The following DPP3 variants were observed in gnomAD, a reference collection of about 807,000 sequenced individuals.
DPP3 encodes the protein dipeptidyl peptidase 3, also known as DPP III.
DPP3 carries 64 observed loss-of-function variants against 89.8 expected under a neutral mutation model. The observed-to-expected ratio is 0.71, with a 90% CI of 0.58 to 0.88. The LOEUF (loss-of-function observed/expected upper bound fraction) is 0.88, where lower values mean the gene tolerates loss of function less well. Ranked by LOEUF, DPP3 falls within the 40% of genes least tolerant of loss-of-function variation. The pLI, the probability that DPP3 is intolerant of heterozygous loss-of-function variation, is 0.00. For missense variants in DPP3, 835 were observed against 972.5 expected (o/e 0.86, Z 1.88); for synonymous variants, 377 against 404.3 (o/e 0.93, Z 0.81).
chr11:66,492,218 A>G (rs542991154), intron 9 of DPP3, among the ~76,000 whole-genome samples: 35 of 152,306 alleles, frequency 2.3e-4, no homozygotes, highest in Non-Finnish European at 3.8e-4. Context: ...TGGAAGCAGG[A>G]TGGACATTGT....
chr11:66,487,839 T>C (rs1003852224), intron 5 of DPP3, 75 bp from the exon 6 acceptor site: 1 of 1,391,116 alleles, frequency 7.2e-7, no homozygotes, highest in African/African-American at 1.4e-5. Flanking sequence ...CCCCTAGGGT[T>C]GACCCATTTT....
chr11:66,499,700 T>C (rs1855631959), intron 16 of DPP3, among the ~76,000 whole-genome samples: 1 of 150,860 alleles, frequency 6.6e-6, no homozygotes, highest in South Asian at 2.1e-4. Flanking sequence ...AATCTGGGAG[T>C]TGGAGGTTGC....
intron 1 of DPP3, 108 bp from the exon 2 acceptor site, chr11:66,482,085 C>G: frequency 8.2e-6 from 12 of 1,460,012 alleles, no homozygotes; most frequent in Non-Finnish European, 1.1e-5. Flanking sequence ...ATAGTATTCC[C>G]TTCCACATGG....
intron 6 of DPP3, among the ~76,000 whole-genome samples, chr11:66,490,080 G>A (rs2134727450): frequency 6.7e-6 from 1 of 148,170 alleles, no homozygotes; most frequent in Middle Eastern, 3.5e-3. Context: ...TCAGGAGGCT[G>A]AGCCAGGAGG....
intron 1 of DPP3, 99 bp downstream of exon 1, chr11:66,480,564 T>G: frequency 1.5e-6 from 2 of 1,326,040 alleles, no homozygotes; most frequent in Non-Finnish European, 2.0e-6. Context: ...TTCTGCCCAC[T>G]CTCCAGTACC....
intron 6 of DPP3, among the ~76,000 whole-genome samples, chr11:66,490,145 T>TAAAAAAAAAAAAA (rs201526861): frequency 1.1e-5 from 1 of 94,826 alleles, no homozygotes; most frequent in Non-Finnish European, 2.3e-5. Flanking sequence ...AGATCCTATC[T>TAAAAAAAAAAAAA]AAAAAAAAAA....
At chr11:66,493,235 A>G (rs1855444849) in intron 11 of DPP3, 56 bp downstream of exon 11, 1 of 1,476,044 alleles carries the variant, frequency 6.8e-7, no homozygotes, top group Non-Finnish European at 9.4e-7. Context: ...CAGCAGACTC[A>G]GGAAGAGAGA....
intron 3 of DPP3, 104 bp downstream of exon 3, chr11:66,485,366 C>A: frequency 8.7e-7 from 1 of 1,149,704 alleles, no homozygotes; most frequent in South Asian, 1.3e-5. Flanking sequence ...AAGCCCTGAG[C>A]AGAGCATGGA....
At chr11:66,481,362 C>T (rs571223508) in intron 1 of DPP3, among the ~76,000 whole-genome samples, 5 of 152,230 alleles carry the variant, frequency 3.3e-5, no homozygotes, top group Non-Finnish European at 5.9e-5. Flanking sequence ...TGGTGATGCA[C>T]GCCTGTAGTC....
At chr11:66,480,534 TG>T in intron 1 of DPP3, 69 bp downstream of exon 1, 1 of 1,441,082 alleles carries the variant, frequency 6.9e-7, no homozygotes, top group Non-Finnish European at 9.1e-7. Flanking sequence ...GAATCCATAC[TG>T]AGCGCAAAAT....
intron 16 of DPP3, among the ~76,000 whole-genome samples, chr11:66,498,295 G>T (rs996227461): frequency 2.6e-5 from 4 of 152,070 alleles, no homozygotes; most frequent in Non-Finnish European, 5.9e-5. Context: ...GGGTTTCACC[G>T]TGTTAGCCAG....
chr11:66,485,093 C>T (rs1436507205), intron 2 of DPP3, 80 bp from the exon 3 acceptor site: 1 of 1,337,790 alleles, frequency 7.5e-7, no homozygotes, highest in African/African-American at 1.4e-5. Context: ...TCTGCTGGGG[C>T]ATTCGCATCT....
chr11:66,491,393 G>A lies in DPP3; in HGVS notation c.798+10G>A. 1 of 1,612,954 alleles carries A rather than the reference G, an allele frequency of 6.2e-7. No homozygotes were observed. The highest frequency in any genetic ancestry group is 8.5e-7 in the Non-Finnish European group (1 of 1,179,348). Reference sequence around the variant, plus strand: ...GCTGGAGAAAGCCAAGGTTGGACTGGCTGGGGGCTGAGGGGTGCGGGCTGA... The same window carrying A: ...GCTGGAGAAAGCCAAGGTTGGACTGACTGGGGGCTGAGGGGTGCGGGCTGA... On this transcript the variant is annotated intron_variant, in intron 7 of 17. Transcript: ENST00000531863.
At chr11:66,504,515 T>C in intron 16 of DPP3, 97 bp from the exon 17 acceptor site, 1 of 1,352,856 alleles carries the variant, frequency 7.4e-7, no homozygotes, top group Non-Finnish European at 9.8e-7. Context: ...TAGCACAGAC[T>C]GTCCAGGGCT....
At chr11:66,502,682 T>TC (rs371916526) in intron 16 of DPP3, among the ~76,000 whole-genome samples, 4 of 152,300 alleles carry the variant, frequency 2.6e-5, no homozygotes, top group African/African-American at 9.6e-5. Context: ...GCCAGGATGG[T>TC]CTCGATCTCC....
chr11:66,506,679 T>C (rs146937315), intron 17 of DPP3, among the ~76,000 whole-genome samples: 34 of 152,252 alleles, frequency 2.2e-4, no homozygotes, highest in Admixed American at 1.2e-3. Context: ...TACTCCAGTC[T>C]CCCGACCTTT....
rs561667925 is a variant in DPP3, at chr11:66,507,326, G to A, written c.2042-1753G>A. On this transcript the variant is annotated intron_variant, in intron 17 of 17. Coordinates refer to ENST00000531863, the MANE Select transcript of DPP3 (RefSeq NM_130443.4). Reference sequence around the variant, plus strand: ...ACTAAAAATACAAAAAATTAGCCAGGCATGGTTGCAGGCGCCTGTAGTCCC... The same window carrying A: ...ACTAAAAATACAAAAAATTAGCCAGACATGGTTGCAGGCGCCTGTAGTCCC... Among the ~76,000 whole-genome samples the A allele has an allele frequency of 3.2e-4, 49 of 152,158 alleles. 1 individual carries two copies. In the South Asian group the frequency reaches 5.6e-3, roughly 17 times the overall value.
chr11:66,493,627 C>T lies in DPP3; in HGVS notation c.1383C>T (p.Phe461=), dbSNP rs575055041. The part of the protein sequence containing the change: ...ELLGHGSGKL[F]VQDEKGAFNF... Reference sequence around the variant, plus strand: ...TGGGCCATGGCAGTGGCAAGCTCTTCGTACAGGTGAGAAGGCAGTGGCCAG... The same window carrying T: ...TGGGCCATGGCAGTGGCAAGCTCTTTGTACAGGTGAGAAGGCAGTGGCCAG... The change falls in exon 12 of 18, where the codon TTC becomes TTT. Residue 461 remains phenylalanine, a synonymous_variant. Coordinates refer to ENST00000531863, the MANE Select transcript of DPP3 (RefSeq NM_130443.4). 16 of 1,611,104 alleles carry T rather than the reference C, an allele frequency of 9.9e-6. No homozygotes were observed. Among genetic ancestry groups the T allele is most frequent in the East Asian group, 4.5e-5 (2 of 44,782 alleles).
chr11:66,496,661 G>T (rs972236147), intron 15 of DPP3, among the ~76,000 whole-genome samples: 3 of 152,034 alleles, frequency 2.0e-5, no homozygotes, highest in African/African-American at 7.2e-5. Flanking sequence ...TGATCCGCCC[G>T]CCTCGGCCTC....
Sources: gnomAD v4.1 joint callset for allele counts (sites outside exome capture counted in the v4.1 genomes callset) on GRCh38, gnomAD v4.1.1 for gene constraint, MANE v1.5 for transcripts, NCBI Gene and HGNC (gene_info 2026-07-23, HGNC 2026-07-21) for gene names.